Variants in LSM1 observed in about 807,000 individuals in gnomAD.
LSM1 encodes LSM1 homolog, mRNA degradation associated, also known as U6 snRNA-associated Sm-like protein LSm1.
In LSM1, 13 loss-of-function variants were observed where a neutral mutation model predicts 18.0. The ratio of observed to expected loss-of-function variants is 0.72; its 90% CI spans 0.47 to 1.15. The LOEUF (loss-of-function observed/expected upper bound fraction) is 1.15, where lower values mean the gene tolerates loss of function less well. Among genes scored for constraint, LSM1 ranks in the 50% most tolerant of loss-of-function variants. The pLI is 0.00. For missense variants in LSM1, 152 were observed against 157.7 expected, an observed-to-expected ratio of 0.96 and a Z score of 0.19; for synonymous variants, 46 against 56.0, an observed-to-expected ratio of 0.82 and a Z score of 0.80.
intron 1 of LSM1, among the ~76,000 whole-genome samples, chr8:38,173,848 A>G (rs1315632199): frequency 1.3e-5 from 2 of 152,256 alleles, no homozygotes; most frequent in African/African-American, 4.8e-5. Flanking sequence ...ATAAAAAACT[A>G]AAGTACAGGA....
Position 38,163,621 on chromosome 8 carries a change from T to C in LSM1, c.*49A>G. The C allele has an allele frequency of 1.3e-6, 2 of 1,530,882 alleles. No homozygotes were observed. The highest frequency in any genetic ancestry group is 1.8e-6 in the Non-Finnish European group (2 of 1,109,470). The allele number at this position is 1,530,882 out of a possible 1,614,324, so 94.8% of individuals were successfully genotyped here. Reference sequence around the variant, plus strand: ...GAGGTGGCCAGGATGTCACTTTCACTCAGTGACAGCCCCTACTCTTCAAGA... The same window carrying C: ...GAGGTGGCCAGGATGTCACTTTCACCCAGTGACAGCCCCTACTCTTCAAGA... On this transcript the variant is annotated 3_prime_UTR_variant, in exon 4 of 4. Transcript: ENST00000311351.
At chr8:38,167,866 T>C (rs768204781) in intron 3 of LSM1, among the ~76,000 whole-genome samples, 20 of 151,762 alleles carry the variant, frequency 1.3e-4, no homozygotes, top group Middle Eastern at 3.4e-3. Context: ...CTGGGCAACA[T>C]AGTGAGACCC....
chr8:38,174,074 G>A (rs60959241), intron 1 of LSM1, among the ~76,000 whole-genome samples: 1 of 152,304 alleles, frequency 6.6e-6, no homozygotes, highest in African/African-American at 2.4e-5. Context: ...TTTGAAGAAT[G>A]CAGCTTGAGT....
At chr8:38,167,287 T>C (rs1472506827) in intron 3 of LSM1, among the ~76,000 whole-genome samples, 2 of 152,270 alleles carry the variant, frequency 1.3e-5, no homozygotes, top group Non-Finnish European at 2.9e-5. Context: ...TTTGTGCCAA[T>C]GTAACCAGTA....
At chr8:38,168,023 A>T (rs1802966467) in intron 3 of LSM1, among the ~76,000 whole-genome samples, 1 of 150,090 alleles carries the variant, frequency 6.7e-6, no homozygotes, top group Non-Finnish European at 1.5e-5. Context: ...GTGCACTGGC[A>T]CGATCTCGAC....
intron 1 of LSM1, 43 bp from the exon 2 acceptor site, chr8:38,172,076 T>G: frequency 7.5e-7 from 1 of 1,332,198 alleles, no homozygotes; most frequent in East Asian, 2.3e-5. Flanking sequence ...AACTGACAAG[T>G]TCAGCGAGTA....
Position 38,163,528 on chromosome 8 carries a change from T to C in LSM1, c.*142A>G. ...AACCCACCTACACGATTTCTTCATG[T>C]TGCATATGTAAAATAATTAAAAATA... On this transcript the variant is annotated 3_prime_UTR_variant, in exon 4 of 4. Coordinates refer to ENST00000311351, the MANE Select transcript of LSM1 (RefSeq NM_014462.3). 1 of 676,288 alleles carries C rather than the reference T, an allele frequency of 1.5e-6. No individual in the cohort carries two copies. The highest frequency in any genetic ancestry group is 2.4e-6 in the Non-Finnish European group (1 of 418,190). The allele number at this position is 676,288 out of a possible 1,614,324, so 41.9% of individuals were successfully genotyped here. A position where few individuals can be genotyped will look rare whatever the true frequency, so the allele number is the denominator to read the frequency against.
At chr8:38,166,525 T>C (rs1425444664) in intron 3 of LSM1, among the ~76,000 whole-genome samples, 2 of 152,270 alleles carry the variant, frequency 1.3e-5, no homozygotes, top group Non-Finnish European at 2.9e-5. Context: ...TTGGTGTTTT[T>C]GTAAGATGGA....
intron 2 of LSM1, 100 bp from the exon 3 acceptor site, chr8:38,170,017 A>C (rs1398283660): frequency 5.0e-6 from 3 of 605,640 alleles, no homozygotes; most frequent in African/African-American, 1.9e-5. Flanking sequence ...TTAGGTAAAC[A>C]TGATTTCCAA....
chr8:38,173,142 A>G (rs1020371109), intron 1 of LSM1, among the ~76,000 whole-genome samples: 1 of 152,128 alleles, frequency 6.6e-6, no homozygotes, highest in African/African-American at 2.4e-5. Context: ...ACCCAGCAAA[A>G]TTTCTTTCAT....
chr8:38,172,084 G>C (rs1379841454), intron 1 of LSM1, 51 bp from the exon 2 acceptor site: 1 of 1,245,666 alleles, frequency 8.0e-7, no homozygotes, highest in East Asian at 2.3e-5. Flanking sequence ...AGTTCAGCGA[G>C]TATTTAGGAT....
Position 38,170,706 on chromosome 8 carries a change from T to C in LSM1, c.116-789A>G, listed in dbSNP as rs561352106. 8.5e-4 allele frequency among the ~76,000 whole-genome samples: 129 copies of C among 152,336 alleles called. 2 individuals carry two copies. The highest frequency in any genetic ancestry group is 3.4e-3 in the Middle Eastern group (1 of 294). On this transcript the variant is annotated intron_variant, in intron 2 of 3. Coordinates refer to ENST00000311351, the MANE Select transcript of LSM1 (RefSeq NM_014462.3). Reference sequence around the variant, plus strand: ...CAACGCAGGTATCCATGGGTTATGATACAGCAAAAACCTATTTTTTCACCT... The same window carrying C: ...CAACGCAGGTATCCATGGGTTATGACACAGCAAAAACCTATTTTTTCACCT...
intron 1 of LSM1, chr8:38,176,028 CCAT>C: frequency 2.4e-6 from 1 of 423,504 alleles, no homozygotes; most frequent in African/African-American, 2.1e-5. Flanking sequence ...AGAATGAGTT[CCAT>C]CGCTTGGGGC....
chr8:38,172,316 CCTTTTTT>C (rs1439596342), intron 1 of LSM1, among the ~76,000 whole-genome samples: 2 of 142,992 alleles, frequency 1.4e-5, no homozygotes, highest in Non-Finnish European at 3.0e-5. Flanking sequence ...TTTTTTTTTT[CCTTTTTT>C]CTTTTTTTTT....
chr8:38,173,763 G>C (rs1298571787), intron 1 of LSM1, among the ~76,000 whole-genome samples: 3 of 152,202 alleles, frequency 2.0e-5, no homozygotes, highest in Non-Finnish European at 2.9e-5. Context: ...CAGATAGTTG[G>C]AAACAGTAAG....
At chr8:38,176,638 C>CT (rs1193971840), upstream of LSM1, 2 of 574,384 alleles carry the variant, frequency 3.5e-6, no homozygotes, top group African/African-American at 3.8e-5. Flanking sequence ...TATACTCCCT[C>CT]TTAAGGAACA....
At chr8:38,163,899 C>A (rs1802883654) in intron 3 of LSM1, 59 bp from the exon 4 acceptor site, 2 of 1,468,238 alleles carry the variant, frequency 1.4e-6, no homozygotes, top group Non-Finnish European at 9.5e-7. Flanking sequence ...AAGCACAGAT[C>A]TCAAGGCAAA....
intron 3 of LSM1, among the ~76,000 whole-genome samples, chr8:38,166,916 C>G (rs1802941135): frequency 6.6e-6 from 1 of 152,220 alleles, no homozygotes; most frequent in South Asian, 2.1e-4. Context: ...GCTGCTGTTG[C>G]TGCTTCTTCC....
chr8:38,173,458 G>A (rs1326420166), intron 1 of LSM1, among the ~76,000 whole-genome samples: 1 of 152,120 alleles, frequency 6.6e-6, no homozygotes, highest in African/African-American at 2.4e-5. Context: ...CTGAGGGTGT[G>A]AAGGGAAAGA....
Sources: allele counts gnomAD v4.1 joint callset (sites outside exome capture counted in the v4.1 genomes callset), GRCh38; gene constraint gnomAD v4.1.1; transcripts MANE v1.5; gene names NCBI Gene and HGNC (gene_info 2026-07-23, HGNC 2026-07-21).